The following BAZ2A variants were observed in gnomAD, a reference collection of about 807,000 sequenced individuals.
BAZ2A encodes bromodomain adjacent to zinc finger domain 2A.
Under a neutral mutation model 199.9 loss-of-function variants are expected in BAZ2A, and 34 were observed. That is an observed-to-expected ratio of 0.17 (90% CI 0.13 to 0.23). The LOEUF (loss-of-function observed/expected upper bound fraction) is 0.23, where lower values mean the gene tolerates loss of function less well. Ranked by LOEUF, BAZ2A falls within the 10% of genes least tolerant of loss-of-function variation. The pLI is 1.00. For synonymous variants in BAZ2A, 857 were observed against 883.9 expected (o/e 0.97, Z 0.54); for missense variants, 2,002 against 2,391.1 (o/e 0.84, Z 3.39).
At chr12:56,614,303 G>T (rs1950648769) in intron 3 of BAZ2A, 165 bp from the exon 4 acceptor site, 1 of 661,836 alleles carries the variant, frequency 1.5e-6, no homozygotes, top group Non-Finnish European at 2.5e-6. Context: ...TCTGAGCAGA[G>T]ATGTGCTGGT....
chr12:56,604,832 G>C (rs139107422), intron 14 of BAZ2A, 33 bp from the exon 15 acceptor site: 12 of 1,599,044 alleles, frequency 7.5e-6, no homozygotes, highest in Admixed American at 1.7e-5. Context: ...GGGGTGAGTA[G>C]GGAAAGATGC....
chr12:56,613,113 G>C lies in BAZ2A; in HGVS notation c.1037C>G (p.Ala346Gly), dbSNP rs368231670. The stretch of plus-strand genomic sequence containing the variant: ...ATCTGCCAGGAGACTGAAGGCAGTA[G>C]CATTATTGAGGGAAGGGCAATCAAG... ...SALDCPSLNN[A>G]TAFSLLADDS... Residue 346 changes from alanine to glycine, a missense_variant, in exon 5 of 29, where the codon GCT becomes GGT. By Grantham distance (60) the Ala-to-Gly change is moderately conservative. Coordinates refer to ENST00000549884, the MANE Select transcript of BAZ2A (RefSeq NM_001300905.2). The C allele has an allele frequency of 6.8e-6, 11 of 1,613,910 alleles. No homozygotes were observed. Among genetic ancestry groups the C allele is most frequent in the African/African-American group, 1.3e-5 (1 of 74,938 alleles).
upstream of BAZ2A, chr12:56,636,429 G>A (rs1040333462): frequency 1.2e-5 from 16 of 1,333,036 alleles, no homozygotes; most frequent in Admixed American, 4.5e-4. Flanking sequence ...GGTGGAGAGA[G>A]GGAGGAGGCG....
chr12:56,629,739 C>T (rs1306801313), intron 1 of BAZ2A, among the ~76,000 whole-genome samples: 1 of 152,124 alleles, frequency 6.6e-6, no homozygotes, highest in East Asian at 1.9e-4. Context: ...CCCCCTCACC[C>T]ACCCCTCGCG....
Position 56,605,279 on chromosome 12 carries a change from C to T in BAZ2A, c.2542G>A (p.Ala848Thr), listed in dbSNP as rs1411915002. The T allele has an allele frequency of 6.2e-7, 1 of 1,613,718 alleles. No homozygotes were observed. The highest frequency in any genetic ancestry group is 8.5e-7 in the Non-Finnish European group (1 of 1,179,756). ...RVPGLTLPSGAFSDCLTIVEF... is the reference protein window; with the variant it reads ...RVPGLTLPSGTFSDCLTIVEF... ...ACAATGGTCAAGCAGTCTGAGAAGG[C>T]TCCACTGGGCAATGTCAGACCAGGG... Residue 848 changes from alanine to threonine, a missense_variant, in exon 14 of 29, where the codon GCC becomes ACC. Around this residue, in one of 6 missense-constraint regions of BAZ2A, gnomAD observed 1,081 missense variants for 1,274.7 expected, o/e 0.85. Transcript: ENST00000549884.
chr12:56,605,957 G>A lies in BAZ2A; in HGVS notation c.2366C>T (p.Ala789Val), dbSNP rs770211731. The A allele has an allele frequency of 1.9e-6, 3 of 1,556,110 alleles. No homozygotes were observed. Among genetic ancestry groups the A allele is most frequent in the Non-Finnish European group, 2.6e-6 (3 of 1,149,318 alleles). The stretch of plus-strand genomic sequence containing the variant: ...CTTATCTGCTTTACAGGCTGGCTTG[G>A]CTTTGGTCACCTCCTCCTTTTCCTT... ...KMKEKEEVTK[A>V]KPACKADKTL... Residue 789 changes from alanine to valine, a missense_variant, in exon 13 of 29, where the codon GCC becomes GTC. By Grantham distance (64) the Ala-to-Val change is moderately conservative. Transcript: ENST00000549884.
chr12:56,606,444 T>A, intron 11 of BAZ2A, 132 bp from the exon 12 acceptor site: 1 of 1,223,618 alleles, frequency 8.2e-7, no homozygotes, highest in Non-Finnish European at 1.2e-6. Context: ...AATGGATTAA[T>A]TCTCTCACCC....
At chr12:56,612,284 A>AC (rs757705107) in intron 5 of BAZ2A, 38 bp from the exon 6 acceptor site, 2 of 1,539,160 alleles carry the variant, frequency 1.3e-6, no homozygotes, top group South Asian at 2.4e-5. Flanking sequence ...TTAAAAAAAA[A>AC]AAAGGCATCA....
chr12:56,599,110 CA>C lies in BAZ2A; in HGVS notation c.5402+18del. The C allele has an allele frequency of 5.0e-6, 8 of 1,603,634 alleles. No homozygotes were observed. The highest frequency in any genetic ancestry group is 6.8e-6 in the Non-Finnish European group (8 of 1,174,684). On this transcript the variant is annotated intron_variant, in intron 27 of 28. Coordinates refer to ENST00000549884, the MANE Select transcript of BAZ2A (RefSeq NM_001300905.2). Reference sequence around the variant, plus strand: ...GCAGAGGTAGAGCCAACTGTCCCCCCAGGATTCACTCAACTCACTCGCAAAA... The same window carrying C: ...GCAGAGGTAGAGCCAACTGTCCCCCCGGATTCACTCAACTCACTCGCAAAA...
Position 56,599,495 on chromosome 12 carries a change from A to C in BAZ2A, c.5173-137T>G, listed in dbSNP as rs1886201992. On this transcript the variant is annotated intron_variant, in intron 26 of 28. Transcript: ENST00000549884. ...CGGCATTGGTTTATTCACATAACCCAATGAAGTAGGTAAAAGGGAAGGTAT... is the reference window on the plus strand; with the variant it reads ...CGGCATTGGTTTATTCACATAACCCCATGAAGTAGGTAAAAGGGAAGGTAT... 1.6e-5 allele frequency: 20 copies of C among 1,233,754 alleles called. No homozygotes were observed. In the South Asian group the frequency reaches 3.1e-4, roughly 19 times the overall value. 76.4% of individuals were successfully genotyped at this position (1,233,754 alleles called of 1,614,324 possible).
At chr12:56,605,797 C>G (rs1193098869) in intron 13 of BAZ2A, 33 bp downstream of exon 13, 1 of 1,562,348 alleles carries the variant, frequency 6.4e-7, no homozygotes, top group Non-Finnish European at 8.7e-7. Flanking sequence ...GTCTTCCCAG[C>G]TGACCCAGGA....
chr12:56,630,804 G>C (rs867718803), upstream of BAZ2A: 15 of 985,614 alleles, frequency 1.5e-5, no homozygotes, highest in African/African-American at 2.3e-4. Context: ...GCCTGGTCCT[G>C]CCTGGATCAC....
intron 1 of BAZ2A, among the ~76,000 whole-genome samples, chr12:56,626,956 T>C (rs1477669762): frequency 6.6e-6 from 1 of 152,206 alleles, no homozygotes; most frequent in African/African-American, 2.4e-5. Flanking sequence ...TTTTTACTGT[T>C]TCCAGAATAT....
rs1277339166 is a variant in BAZ2A, at chr12:56,612,010, C to T, written c.1372G>A (p.Val458Ile). Residue 458 changes from valine to isoleucine, a missense_variant, in exon 6 of 29, where the codon GTT becomes ATT. Val to Ile is a conservative substitution (Grantham distance 29, BLOSUM62 3). Transcript: ENST00000549884. ...SPEVCPAAST[V>I]VSPAVFSVVS... Reference sequence around the variant, plus strand: ...ACTGAGAAGACTGCTGGAGAGACAACTGTAGAAGCTGCGGGACAAACTTCT... The same window carrying T: ...ACTGAGAAGACTGCTGGAGAGACAATTGTAGAAGCTGCGGGACAAACTTCT... 1.9e-6 allele frequency: 3 copies of T among 1,613,678 alleles called. No homozygotes were observed. The South Asian group carries it at 3.3e-5, about 18-fold the overall frequency.
In BAZ2A at chr12:56,604,596, G is replaced by A. The variant is rs1323295666; in HGVS notation, c.2952C>T (p.Thr984=). Residue 984 remains threonine, a synonymous_variant, in exon 15 of 29, where the codon ACC becomes ACT. Transcript: ENST00000549884. ...AFLVHELNGS[T]LIINEIDKTL... ...TCCCAGCCTCTCACTTGATGATGAG[G>A]GTGGAGCCATTGAGCTCATGCACAA... The A allele has an allele frequency of 6.3e-7, 1 of 1,586,692 alleles. No individual in the cohort carries two copies. The highest frequency in any genetic ancestry group is 1.3e-5 in the African/African-American group (1 of 74,400).
upstream of BAZ2A, among the ~76,000 whole-genome samples, chr12:56,634,629 A>G (rs1361906448): frequency 2.0e-5 from 3 of 152,052 alleles, no homozygotes; most frequent in Admixed American, 6.6e-5. Flanking sequence ...GCGCTAGTTC[A>G]GAGGGGAGGA....
chr12:56,633,855 C>T (rs538113587), upstream of BAZ2A, among the ~76,000 whole-genome samples: 1 of 152,216 alleles, frequency 6.6e-6, no homozygotes, highest in South Asian at 2.1e-4. Context: ...CAGGTTCAAG[C>T]GATAGTAGCT....
rs1244940706 is a variant in BAZ2A at position 56,611,553 on chromosome 12, T to C, written c.1670+20A>G. The C allele has an allele frequency of 6.2e-7, 1 of 1,605,370 alleles. No homozygotes were observed. Among genetic ancestry groups the C allele is most frequent in the Non-Finnish European group, 8.5e-7 (1 of 1,172,070 alleles). On this transcript the variant is annotated intron_variant, in intron 7 of 28. Transcript: ENST00000549884. The stretch of plus-strand genomic sequence containing the variant: ...TTAAACTTGTCAAGGTCAATAAATG[T>C]AGCAAACTAGAGCATTTACCCATGT...
At chr12:56,636,335 A>G in exon 1 of BAZ2A, 7 of 1,428,686 alleles carry the variant, frequency 4.9e-6, no homozygotes, top group Non-Finnish European at 6.5e-6. Context: ...CCTGCGAACC[A>G]CACAGCCTGA....
Sources: gnomAD v4.1 joint callset for allele counts (sites outside exome capture counted in the v4.1 genomes callset) on GRCh38, gnomAD v4.1.1 for gene constraint, gnomAD v4.1.1 regional missense constraint, MANE v1.5 for transcripts, NCBI Gene and HGNC (gene_info 2026-07-23, HGNC 2026-07-21) for gene names.